Variants in PTCH1 observed in about 807,000 individuals in gnomAD.
The protein encoded by PTCH1 is protein patched homolog 1.
In PTCH1, 14 loss-of-function variants were observed where a neutral mutation model predicts 144.6. The observed-to-expected ratio is 0.10, with a 90% CI of 0.06 to 0.15. The LOEUF (loss-of-function observed/expected upper bound fraction) is 0.15. PTCH1 is among the 10% of genes least tolerant of loss of function. The pLI, the probability that PTCH1 is intolerant of heterozygous loss-of-function variation, is 1.00. For synonymous variants in PTCH1, 833 were observed against 793.6 expected (o/e 1.05, Z -0.83); for missense variants, 1,623 against 1,948.3 (o/e 0.83, Z 3.14).
At position 95,502,936 on chromosome 9, in the gene PTCH1, C is replaced by T. The variant is rs73527741; in HGVS notation, c.394+3471G>A. ...GTATTAAAAAGATAACATTAACATGCCTTTGGCAGATAGGAGGATATGCAG... is the reference window on the plus strand; with the variant it reads ...GTATTAAAAAGATAACATTAACATGTCTTTGGCAGATAGGAGGATATGCAG... On this transcript the variant is annotated intron_variant, in intron 2 of 23. Coordinates refer to ENST00000331920, the MANE Select transcript of PTCH1 (RefSeq NM_000264.5). Among the ~76,000 whole-genome samples, 1,121 of 152,218 alleles carry T rather than the reference C, an allele frequency of 7.4e-3. 11 individuals carry two copies. Among genetic ancestry groups the T allele is most frequent in the African/African-American group, 0.025 (1,049 of 41,522 alleles).
chr9:95,470,635 A>C (rs1252375020), intron 12 of PTCH1, among the ~76,000 whole-genome samples: 2 of 152,174 alleles, frequency 1.3e-5, no homozygotes, highest in Non-Finnish European at 2.9e-5. Flanking sequence ...ACCTAGTAAA[A>C]ATTACAAAAT....
Position 95,449,637 on chromosome 9 carries a change from C to G in PTCH1, c.3549+204G>C. On this transcript the variant is annotated intron_variant, in intron 21 of 23. Coordinates refer to ENST00000331920, the MANE Select transcript of PTCH1 (RefSeq NM_000264.5). This position sits in a 1 kb window ranked among gnomAD's most constrained non-coding sequence, Gnocchi z 5.3. The stretch of plus-strand genomic sequence containing the variant: ...GATCTGTAAGACCCAGGCTGCCAAT[C>G]AGTTGATTTAGAGGAACCAAACCGA... 1 of 660,196 alleles carries G rather than the reference C, an allele frequency of 1.5e-6. No individual in the cohort carries two copies. The highest frequency in any genetic ancestry group is 2.7e-5 in the East Asian group (1 of 36,840). 40.9% of individuals were successfully genotyped at this position (660,196 alleles called of 1,614,324 possible).
chr9:95,486,361 G>A (rs942899126), intron 2 of PTCH1, among the ~76,000 whole-genome samples: 1 of 152,268 alleles, frequency 6.6e-6, no homozygotes, highest in Non-Finnish European at 1.5e-5. Context: ...GCCAGTGTGT[G>A]TTCAGCACAA....
chr9:95,456,065 G>A (rs949957790), intron 19 of PTCH1, among the ~76,000 whole-genome samples: 1 of 152,156 alleles, frequency 6.6e-6, no homozygotes, highest in Non-Finnish European at 1.5e-5. Context: ...GACAGGGCCC[G>A]CTGCCATGTA....
intron 17 of PTCH1, 102 bp downstream of exon 17, chr9:95,459,498 G>T: frequency 7.1e-7 from 1 of 1,409,378 alleles, no homozygotes; most frequent in Non-Finnish European, 1.0e-6. Flanking sequence ...TTACACTTCT[G>T]AACCCTGGGT....
chr9:95,468,723 G>A (rs1840266214), intron 14 of PTCH1, 28 bp downstream of exon 14: 1 of 1,610,682 alleles, frequency 6.2e-7, no homozygotes, highest in African/African-American at 1.3e-5. Context: ...TTTGAAGACA[G>A]GAAGAGCCTT....
chr9:95,448,923 C>T (rs1838190574), intron 22 of PTCH1, 146 bp downstream of exon 22: 4 of 1,146,454 alleles, frequency 3.5e-6, no homozygotes, highest in South Asian at 1.6e-5. Flanking sequence ...TGGTTATTTC[C>T]TATGATTTGA....
At chr9:95,461,543 C>T (rs1169985359) in intron 16 of PTCH1, among the ~76,000 whole-genome samples, 8 of 152,208 alleles carry the variant, frequency 5.3e-5, no homozygotes, top group Non-Finnish European at 7.3e-5. Context: ...GAATCACACG[C>T]CGCTGCATTT....
chr9:95,489,840 G>A lies in PTCH1; in HGVS notation c.395-3966C>T, dbSNP rs1475745695. On this transcript the variant is annotated intron_variant, in intron 2 of 23. Coordinates refer to ENST00000331920, the MANE Select transcript of PTCH1 (RefSeq NM_000264.5). ...TTTTGTGACGGAGTCTTGCTCTGTC[G>A]CCCAGGCTGGAGTGCAGTGGCCCCA... Among the ~76,000 whole-genome samples the A allele has an allele frequency of 3.4e-5, 5 of 146,800 alleles. 1 individual carries two copies. The highest frequency in any genetic ancestry group is 6.0e-5 in the Non-Finnish European group (4 of 67,216).
chr9:95,509,437 C>T (rs1478690650), upstream of PTCH1, among the ~76,000 whole-genome samples: 2 of 152,222 alleles, frequency 1.3e-5, no homozygotes, highest in Non-Finnish European at 2.9e-5. Flanking sequence ...AGAGACCACC[C>T]AGGTAGGCAA....
At chr9:95,487,223 C>A (rs1842040206) in intron 2 of PTCH1, among the ~76,000 whole-genome samples, 1 of 152,160 alleles carries the variant, frequency 6.6e-6, no homozygotes, top group African/African-American at 2.4e-5. Flanking sequence ...CACGCGGATG[C>A]CAAGGCCAGG....
intron 2 of PTCH1, among the ~76,000 whole-genome samples, chr9:95,505,139 A>G (rs1467841304): frequency 6.6e-6 from 1 of 152,222 alleles, no homozygotes; most frequent in African/African-American, 2.4e-5. Context: ...ACTCCACCCC[A>G]GGCTTGCAAA....
intron 19 of PTCH1, among the ~76,000 whole-genome samples, chr9:95,455,807 T>C (rs1838867134): frequency 6.6e-6 from 1 of 152,174 alleles, no homozygotes; most frequent in Admixed American, 6.5e-5. Context: ...GGTACTTCCT[T>C]GGCTGCCAGC....
chr9:95,456,433 G>A lies in PTCH1; in HGVS notation c.3169-20C>T, dbSNP rs780801234. 2.5e-6 allele frequency: 4 copies of A among 1,613,008 alleles called. No individual in the cohort carries two copies. The South Asian group carries it at 4.4e-5, about 18-fold the overall frequency. On this transcript the variant is annotated intron_variant, in intron 18 of 23. Transcript: ENST00000331920. ...CATCACCTGGAGCAGGGCACACAGT[G>A]GTCAGTGGGCGGGCAGGTCACCCTC...
At chr9:95,496,148 C>T (rs893672142) in intron 2 of PTCH1, among the ~76,000 whole-genome samples, 6 of 152,158 alleles carry the variant, frequency 3.9e-5, no homozygotes, top group Admixed American at 6.5e-5. Flanking sequence ...AATTTTACAC[C>T]GCAGCTGGCA....
chr9:95,449,867 A>C lies in PTCH1; in HGVS notation c.3523T>G (p.Leu1175Val). ...TCAGGATATGGTCCAAAGAAAGACAAAAGCACGGGAAGCAAAACCAGCCCA... is the reference window on the plus strand; with the variant it reads ...TCAGGATATGGTCCAAAGAAAGACACAAGCACGGGAAGCAAAACCAGCCCA... Reference protein sequence around the residue: ...LNGLVLLPVLLSFFGPYPEVS... With the variant: ...LNGLVLLPVLVSFFGPYPEVS... Residue 1175 changes from leucine (L) to valine (V), a missense_variant, in exon 21 of 24, where the codon TTG becomes GTG. Physicochemically the swap from Leu to Val is conservative, Grantham distance 32. Around this residue, in one of 7 missense-constraint regions of PTCH1, gnomAD observed 504 missense variants for 679.3 expected, o/e 0.74. Transcript: ENST00000331920. The surrounding 1 kb of genome is among the most constrained non-coding windows in gnomAD (Gnocchi z 5.3). 1.9e-6 allele frequency: 3 copies of C among 1,614,180 alleles called. No individual in the cohort carries two copies. The highest frequency in any genetic ancestry group is 2.5e-6 in the Non-Finnish European group (3 of 1,179,996).
intron 2 of PTCH1, among the ~76,000 whole-genome samples, chr9:95,494,572 CCAGGCCGCTCAAGCGCAACAGGCAGG>C (rs1471372200): frequency 1.3e-5 from 2 of 152,172 alleles, no homozygotes; most frequent in Non-Finnish European, 2.9e-5. Flanking sequence ...TCAGGTGCAA[CCAGGCCGCTCAAGCGCAACAGGCAGG>C]CAGATGCACA....
In PTCH1 at chr9:95,458,364, GA is replaced by G. The variant is rs1839154635; in HGVS notation, c.2888-72del. ...GCATCACAGTTTCAATGGAAAGAGA[GA>G]AGAACTTTGCATGAAAGCTTACTGA... On this transcript the variant is annotated intron_variant, in intron 17 of 23. Coordinates refer to ENST00000331920, the MANE Select transcript of PTCH1 (RefSeq NM_000264.5). The surrounding 1 kb of genome is among the most constrained non-coding windows in gnomAD (Gnocchi z 4.7). The G allele has an allele frequency of 6.5e-7, 1 of 1,544,924 alleles. No homozygotes were observed. The highest frequency in any genetic ancestry group is 1.4e-5 in the African/African-American group (1 of 73,148).
chr9:95,462,443 A>ACAG (rs1183197199), intron 15 of PTCH1, among the ~76,000 whole-genome samples: 4 of 152,096 alleles, frequency 2.6e-5, no homozygotes, highest in Non-Finnish European at 5.9e-5. Flanking sequence ...CCAACTTCAA[A>ACAG]CAGCAGCTCA....
Sources: gnomAD v4.1 joint callset for allele counts (sites outside exome capture counted in the v4.1 genomes callset) on GRCh38, gnomAD v4.1.1 for gene constraint, gnomAD v4.1.1 regional missense constraint, Gnocchi (gnomAD v3.1) non-coding constraint, MANE v1.5 for transcripts, NCBI Gene and HGNC (gene_info 2026-07-23, HGNC 2026-07-21) for gene names.